Variants in ABRAXAS2 observed in about 807,000 individuals in gnomAD.
The protein encoded by ABRAXAS2 is abraxas 2, BRISC complex subunit.
In ABRAXAS2, 23 loss-of-function variants were observed where a neutral mutation model predicts 49.0. The observed-to-expected ratio is 0.47, with a 90% CI of 0.34 to 0.66. ABRAXAS2 has a LOEUF of 0.66. ABRAXAS2 is among the 30% of genes least tolerant of loss of function. ABRAXAS2 has a pLI of 0.01. For missense variants in ABRAXAS2, 443 were observed against 511.9 expected (o/e 0.87, Z 1.30); for synonymous variants, 168 against 180.2 (o/e 0.93, Z 0.54).
rs1950847197 is a variant in ABRAXAS2 at position 124,819,455 on chromosome 10, G to A, written c.267+5G>A. ...ATTCTTAAAGATCGGAGAAAGGTAT[G>A]TTCTGTTTGTTGCCCAGTATGATTC... On this transcript the variant is annotated splice_donor_5th_base_variant and intron_variant, in intron 4 of 8. Coordinates refer to ENST00000298492, the MANE Select transcript of ABRAXAS2 (RefSeq NM_032182.4). 1 of 1,613,008 alleles carries A rather than the reference G, an allele frequency of 6.2e-7. No homozygotes were observed. Among genetic ancestry groups the A allele is most frequent in the African/African-American group, 1.3e-5 (1 of 74,898 alleles).
At chr10:124,817,132 G>C (rs1385143464) in intron 3 of ABRAXAS2, among the ~76,000 whole-genome samples, 2 of 152,118 alleles carry the variant, frequency 1.3e-5, no homozygotes, top group African/African-American at 2.4e-5. Context: ...ATGAGGCACA[G>C]TAAGAGATGA....
intron 4 of ABRAXAS2, among the ~76,000 whole-genome samples, chr10:124,823,594 C>T (rs1036659467): frequency 6.6e-6 from 1 of 152,158 alleles, no homozygotes; most frequent in Admixed American, 6.5e-5. Flanking sequence ...AGACAATAAA[C>T]GTGCCCATAT....
intron 2 of ABRAXAS2, chr10:124,814,965 T>C (rs1950814253): frequency 1.3e-5 from 2 of 152,056 alleles, no homozygotes; most frequent in South Asian, 4.1e-4. Flanking sequence ...TTTATAAGAC[T>C]AGTCAAGTGC....
chr10:124,824,866 TGAAA>T (rs1950887314), intron 4 of ABRAXAS2, among the ~76,000 whole-genome samples: 1 of 152,192 alleles, frequency 6.6e-6, no homozygotes. Context: ...CAAGTTTTCT[TGAAA>T]GGAAAACTAC....
intron 2 of ABRAXAS2, among the ~76,000 whole-genome samples, chr10:124,809,107 G>T (rs1299462357): frequency 6.6e-6 from 1 of 151,538 alleles, no homozygotes; most frequent in Non-Finnish European, 1.5e-5. Context: ...CTCCAGCCTG[G>T]GCAACAAGAG....
intron 2 of ABRAXAS2, among the ~76,000 whole-genome samples, chr10:124,808,292 C>T (rs1422117844): frequency 1.3e-5 from 2 of 152,084 alleles, no homozygotes; most frequent in Non-Finnish European, 2.9e-5. Flanking sequence ...TCTCCTGCCT[C>T]AGCCTCCCGA....
At chr10:124,828,701 C>T in intron 5 of ABRAXAS2, 55 bp from the exon 6 acceptor site, 6 of 1,545,444 alleles carry the variant, frequency 3.9e-6, no homozygotes, top group Non-Finnish European at 5.3e-6. Context: ...GTCAGTCTCA[C>T]TTGAATATGA....
chr10:124,801,932 G>A (rs1345608947), intron 1 of ABRAXAS2, 31 bp downstream of exon 1: 2 of 1,607,648 alleles, frequency 1.2e-6, no homozygotes, highest in Non-Finnish European at 1.7e-6. Context: ...CGCGCCCGCT[G>A]GGGGCTTTCA....
Position 124,816,586 on chromosome 10 carries a change from C to A in ABRAXAS2, c.174C>A (p.Asn58Lys). ...TEFLQVIEIH[N>K]HQPCSKLFSF... ...TCTTTCTAATTACAGAAATCCATAA[C>A]CATCAGCCTTGTTCAAAACTTTTTA... Residue 58 changes from asparagine to lysine, a missense_variant, in exon 3 of 9, where the codon AAC (asparagine) becomes AAA (lysine). Asn to Lys is a moderately conservative substitution (Grantham distance 94). Around this residue, in one of 3 missense-constraint regions of ABRAXAS2, gnomAD observed 166 missense variants for 247.3 expected, o/e 0.67. Transcript: ENST00000298492. 6.2e-7 allele frequency: 1 copy of A among 1,601,446 alleles called. No individual in the cohort carries two copies. Among genetic ancestry groups the A allele is most frequent in the Non-Finnish European group, 8.6e-7 (1 of 1,169,372 alleles).
chr10:124,808,487 A>G (rs1413788756), intron 2 of ABRAXAS2, among the ~76,000 whole-genome samples: 1 of 151,914 alleles, frequency 6.6e-6, no homozygotes, highest in Non-Finnish European at 1.5e-5. Flanking sequence ...TGCGGCAAAC[A>G]TTTATTGAAG....
intron 4 of ABRAXAS2, among the ~76,000 whole-genome samples, chr10:124,819,778 TAAAAAAA>T (rs934872459): frequency 5.1e-5 from 7 of 138,164 alleles, no homozygotes; most frequent in African/African-American, 1.9e-4. Flanking sequence ...CATCTCAACT[TAAAAAAA>T]AAAGAAAAAA....
intron 8 of ABRAXAS2, 127 bp downstream of exon 8, chr10:124,831,590 C>A: frequency 1.9e-6 from 1 of 537,958 alleles, no homozygotes; most frequent in Non-Finnish European, 3.2e-6. Context: ...CTGGCTGGGG[C>A]AGAGCAGTCT....
At chr10:124,814,716 C>T (rs1950812783) in intron 2 of ABRAXAS2, among the ~76,000 whole-genome samples, 1 of 151,872 alleles carries the variant, frequency 6.6e-6, no homozygotes, top group South Asian at 2.1e-4. Flanking sequence ...GCGACATGAT[C>T]TTGGCTCACT....
chr10:124,824,534 CA>C (rs531680713), intron 4 of ABRAXAS2, among the ~76,000 whole-genome samples: 149 of 78,044 alleles, frequency 1.9e-3, no homozygotes, highest in Non-Finnish European at 2.7e-3. Flanking sequence ...TCTCAAAAAC[CA>C]AAAAAAAAAA....
At chr10:124,829,684 A>G (rs1372726245) in intron 7 of ABRAXAS2, among the ~76,000 whole-genome samples, 1 of 152,208 alleles carries the variant, frequency 6.6e-6, no homozygotes, top group Non-Finnish European at 1.5e-5. Context: ...CCTGAAGTAG[A>G]TTGTTAATAC....
intron 5 of ABRAXAS2, among the ~76,000 whole-genome samples, chr10:124,827,743 G>A (rs1417126101): frequency 7.1e-6 from 1 of 141,124 alleles, no homozygotes; most frequent in Non-Finnish European, 1.5e-5. Flanking sequence ...TCGTGAACTT[G>A]TTAAACCAAA....
intron 4 of ABRAXAS2, among the ~76,000 whole-genome samples, chr10:124,823,580 C>A (rs1950876346): frequency 6.6e-6 from 1 of 152,184 alleles, no homozygotes; most frequent in African/African-American, 2.4e-5. Flanking sequence ...AGAACACAAG[C>A]TAAAGACAAT....
intron 8 of ABRAXAS2, among the ~76,000 whole-genome samples, chr10:124,833,253 G>A (rs149472377): frequency 0.02 from 2,966 of 150,904 alleles, 56 homozygotes; most frequent in South Asian, 0.078. Context: ...GATCACTGGT[G>A]CCCAGGAGTT....
intron 4 of ABRAXAS2, among the ~76,000 whole-genome samples, chr10:124,822,394 G>T (rs952596685): frequency 6.6e-6 from 1 of 152,202 alleles, no homozygotes; most frequent in Non-Finnish European, 1.5e-5. Context: ...GGGAAAGGGA[G>T]TGAATAAAGG....
Sources: gnomAD v4.1 joint callset for allele counts (sites outside exome capture counted in the v4.1 genomes callset) on GRCh38, gnomAD v4.1.1 for gene constraint, gnomAD v4.1.1 regional missense constraint, MANE v1.5 for transcripts, NCBI Gene and HGNC (gene_info 2026-07-23, HGNC 2026-07-21) for gene names.